Variants in RP1 observed in about 807,000 individuals in gnomAD.
RP1 encodes the protein oxygen-regulated protein 1.
A neutral mutation model predicts 14.8 loss-of-function variants in RP1; 16 were observed. That is an observed-to-expected ratio of 1.08 (90% CI 0.73 to 1.65). The LOEUF (loss-of-function observed/expected upper bound fraction) is 1.65, where lower values mean the gene tolerates loss of function less well. Among genes scored for constraint, RP1 ranks in the 40% most tolerant of loss-of-function variants. The pLI is 0.00. For missense variants in RP1, 2,631 were observed against 2,535.0 expected (o/e 1.04, Z -0.81); for synonymous variants, 876 against 883.6 (o/e 0.99, Z 0.15).
At chr8:54,679,341 T>G (rs1165773261) in intron 9 of RP1, 1 of 1,269,262 alleles carries the variant, frequency 7.9e-7, no homozygotes, top group African/African-American at 1.5e-5. Context: ...ATCTTGTATT[T>G]CTGACTTGGG....
chr8:54,611,005 A>G (rs1805577665), intron 1 of RP1, among the ~76,000 whole-genome samples: 1 of 152,200 alleles, frequency 6.6e-6, no homozygotes, highest in African/African-American at 2.4e-5. Flanking sequence ...GTTTTGCCAG[A>G]TATAGAAGTC....
intron 17 of RP1, among the ~76,000 whole-genome samples, chr8:54,732,489 A>G (rs985384375): frequency 1.3e-5 from 2 of 152,178 alleles, no homozygotes; most frequent in African/African-American, 4.8e-5. Context: ...AATGAGCCCA[A>G]CACAATGCCC....
intron 1 of RP1, among the ~76,000 whole-genome samples, chr8:54,608,000 G>GCGATGC (rs1192012131): frequency 6.6e-6 from 1 of 151,986 alleles, no homozygotes; most frequent in Non-Finnish European, 1.5e-5. Flanking sequence ...CCTGGGTGAG[G>GCGATGC]CGATGCCTCA....
At chr8:54,830,603 T>A (rs62516283) in intron 24 of RP1, among the ~76,000 whole-genome samples, 118 of 152,296 alleles carry the variant, frequency 7.7e-4, no homozygotes, top group Middle Eastern at 3.4e-3. Context: ...AGTTTTTATA[T>A]ATAGCATATT....
chr8:54,657,296 C>T (rs1361275911), intron 6 of RP1, among the ~76,000 whole-genome samples: 1 of 152,058 alleles, frequency 6.6e-6, no homozygotes, highest in Non-Finnish European at 1.5e-5. Context: ...CTGCTACTTC[C>T]CTCCATTTTA....
At chr8:54,645,084 G>T (rs569640654) in intron 3 of RP1, among the ~76,000 whole-genome samples, 25 of 152,244 alleles carry the variant, frequency 1.6e-4, no homozygotes, top group Admixed American at 7.2e-4. Flanking sequence ...GGTACCAGAG[G>T]TTAGGATTTC....
intron 22 of RP1, among the ~76,000 whole-genome samples, chr8:54,767,723 T>C (rs1809795099): frequency 6.6e-6 from 1 of 152,298 alleles, no homozygotes; most frequent in South Asian, 2.1e-4. Flanking sequence ...GTAAACTCTT[T>C]ACATACATAA....
intron 19 of RP1, among the ~76,000 whole-genome samples, chr8:54,741,269 C>G: frequency 6.6e-6 from 1 of 152,040 alleles, no homozygotes; most frequent in Non-Finnish European, 1.5e-5. Context: ...ATGTCCTAGG[C>G]CTTCACATTC....
Position 54,625,979 on chromosome 8 carries a change from T to A in RP1, c.2097T>A (p.Asn699Lys), listed in dbSNP as rs373374748. The A allele has an allele frequency of 6.2e-7, 1 of 1,613,916 alleles. No individual in the cohort carries two copies. Residue 699 changes from asparagine (N) to lysine (K), a missense_variant, in exon 4 of 4, where the codon AAT (asparagine) becomes AAA (lysine). Coordinates refer to ENST00000220676, the MANE Select transcript of RP1 (RefSeq NM_006269.2). ...CAACCAAAGGAATTCTTAATAAGAA[T>A]GAGAGAATAAACACAAAAGGTAGAA... ...QLATKGILNKNERINTKGRIT... is the reference protein window; with the variant it reads ...QLATKGILNKKERINTKGRIT...
At chr8:54,584,213 T>C (rs567058841) in intron 1 of RP1, among the ~76,000 whole-genome samples, 1 of 152,348 alleles carries the variant, frequency 6.6e-6, no homozygotes, top group African/African-American at 2.4e-5. Context: ...TTTGTTCTCA[T>C]TGGTTTCAAA....
chr8:54,768,863 AT>A (rs1481466172), intron 22 of RP1, among the ~76,000 whole-genome samples: 2 of 151,622 alleles, frequency 1.3e-5, no homozygotes, highest in African/African-American at 4.8e-5. Flanking sequence ...ATTTTCCAGC[AT>A]GATAATATTT....
chr8:54,587,051 T>C (rs1179840133), intron 1 of RP1, among the ~76,000 whole-genome samples: 1 of 152,154 alleles, frequency 6.6e-6, no homozygotes, highest in Non-Finnish European at 1.5e-5. Flanking sequence ...AGTACCTCAG[T>C]TGGAAATGCA....
chr8:54,709,898 A>G (rs970685767), intron 15 of RP1, among the ~76,000 whole-genome samples: 1 of 152,226 alleles, frequency 6.6e-6, no homozygotes, highest in Non-Finnish European at 1.5e-5. Flanking sequence ...ACTGTATTTA[A>G]CAAGCAGTTT....
At chr8:54,719,024 C>A (rs896858106) in intron 15 of RP1, among the ~76,000 whole-genome samples, 1 of 152,148 alleles carries the variant, frequency 6.6e-6, no homozygotes, top group Admixed American at 6.5e-5. Context: ...TCTCAGGAAA[C>A]AACACAGATG....
rs1585561971 is a variant in RP1, at chr8:54,625,147, C to A, written c.1265C>A (p.Ser422Tyr). 3.7e-6 allele frequency: 6 copies of A among 1,614,150 alleles called. No homozygotes were observed. Among genetic ancestry groups the A allele is most frequent in the Non-Finnish European group, 5.1e-6 (6 of 1,180,034 alleles). ...GATCAAGTGGCTGAAACTTGCAGTTCTGCTAGTTGGGAGAATGCTACTGTG... is the reference window on the plus strand; with the variant it reads ...GATCAAGTGGCTGAAACTTGCAGTTATGCTAGTTGGGAGAATGCTACTGTG... ...MTDQVAETCSSASWENATVDT... is the reference protein window; with the variant it reads ...MTDQVAETCSYASWENATVDT... Residue 422 changes from serine to tyrosine, a missense_variant, in exon 4 of 4, where the codon TCT becomes TAT. By Grantham distance (144) the Ser-to-Tyr change is moderately radical. Transcript: ENST00000220676.
chr8:54,692,804 A>T, intron 12 of RP1, among the ~76,000 whole-genome samples: 1 of 151,616 alleles, frequency 6.6e-6, no homozygotes, highest in Non-Finnish European at 1.5e-5. Flanking sequence ...TTTGCTGTGC[A>T]GAAGCTCTTT....
intron 1 of RP1, among the ~76,000 whole-genome samples, chr8:54,603,214 A>G (rs1395275452): frequency 1.3e-5 from 2 of 151,972 alleles, no homozygotes; most frequent in East Asian, 3.8e-4. Flanking sequence ...TAATTTTTGT[A>G]TAAGGTGTAA....
At chr8:54,610,202 A>C (rs1458583030) in intron 1 of RP1, among the ~76,000 whole-genome samples, 2 of 152,156 alleles carry the variant, frequency 1.3e-5, no homozygotes, top group African/African-American at 4.8e-5. Context: ...ACCATTTGAC[A>C]CAGCTCATCA....
chr8:54,856,899 G>A (rs961862306), intron 26 of RP1: 3 of 342,006 alleles, frequency 8.8e-6, no homozygotes, highest in Middle Eastern at 8.2e-4. Context: ...ACATAAAATA[G>A]TAATTTTTAT....
Sources: gnomAD v4.1 joint callset for allele counts (sites outside exome capture counted in the v4.1 genomes callset) on GRCh38, gnomAD v4.1.1 for gene constraint, MANE v1.5 for transcripts, NCBI Gene and HGNC (gene_info 2026-07-23, HGNC 2026-07-21) for gene names.